MDFIC: variants seen among roughly 807,000 people sequenced by gnomAD.
The protein encoded by MDFIC is MyoD family inhibitor domain containing.
MDFIC carries 17 observed loss-of-function variants against 23.2 expected under a neutral mutation model. The ratio of observed to expected loss-of-function variants is 0.73; its 90% CI spans 0.50 to 1.10. The LOEUF (loss-of-function observed/expected upper bound fraction) is 1.10. Ranked by LOEUF, MDFIC falls within the 50% of genes least tolerant of loss-of-function variation. The pLI, the probability that MDFIC is intolerant of heterozygous loss-of-function variation, is 0.00. For missense variants in MDFIC, 356 were observed against 316.6 expected, an observed-to-expected ratio of 1.12 and a Z score of -0.95; for synonymous variants, 120 against 115.2, an observed-to-expected ratio of 1.04 and a Z score of -0.27.
At chr7:114,923,304 T>C (rs1347089366) in intron 2 of MDFIC, among the ~76,000 whole-genome samples, 177 bp downstream of exon 2, 2 of 152,138 alleles carry the variant, frequency 1.3e-5, no homozygotes, top group East Asian at 1.9e-4. Context: ...TTGCCCTAGA[T>C]CAACAACCGG....
At chr7:114,988,648 T>G (rs1458158575) in intron 4 of MDFIC, among the ~76,000 whole-genome samples, 1 of 152,144 alleles carries the variant, frequency 6.6e-6, no homozygotes, top group East Asian at 1.9e-4. Context: ...ATTTGGAAAT[T>G]GAGTAGAAAT....
chr7:114,951,345 G>GA (rs77532545), intron 3 of MDFIC, among the ~76,000 whole-genome samples: 71 of 148,514 alleles, frequency 4.8e-4, no homozygotes, highest in African/African-American at 6.2e-4. Context: ...GAAATGAATG[G>GA]AAAAAAAAAA....
chr7:114,999,260 G>T (rs1193855986), intron 4 of MDFIC, among the ~76,000 whole-genome samples: 1 of 151,984 alleles, frequency 6.6e-6, no homozygotes, highest in Admixed American at 6.6e-5. Flanking sequence ...TTATATGTTT[G>T]TGAGTTATGG....
intron 3 of MDFIC, among the ~76,000 whole-genome samples, chr7:114,953,573 A>T (rs1585100764): frequency 6.6e-6 from 1 of 152,310 alleles, no homozygotes; most frequent in Middle Eastern, 3.4e-3. Flanking sequence ...GAAATTAGTC[A>T]ATCAGTCATT....
chr7:115,010,453 C>T (rs1361284181), intron 4 of MDFIC, among the ~76,000 whole-genome samples: 1 of 151,846 alleles, frequency 6.6e-6, no homozygotes, highest in South Asian at 2.1e-4. Flanking sequence ...TTTAAGGAAC[C>T]TTTTTTGGCT....
intron 3 of MDFIC, among the ~76,000 whole-genome samples, chr7:114,957,496 G>C (rs1344007509): frequency 6.6e-6 from 1 of 152,072 alleles, no homozygotes. Flanking sequence ...TTACCTAAGA[G>C]TCATATTAAT....
intron 4 of MDFIC, among the ~76,000 whole-genome samples, chr7:115,012,260 A>G (rs541459610): frequency 6.6e-6 from 1 of 152,376 alleles, no homozygotes; most frequent in South Asian, 2.1e-4. Context: ...AAAGTTAGGG[A>G]AAAACATGAA....
intron 3 of MDFIC, among the ~76,000 whole-genome samples, chr7:114,956,901 T>C (rs1030236723): frequency 6.6e-6 from 1 of 152,200 alleles, no homozygotes; most frequent in African/African-American, 2.4e-5. Context: ...CTTACAGTTA[T>C]GACTGATGGC....
intron 3 of MDFIC, among the ~76,000 whole-genome samples, chr7:114,977,247 TC>T (rs1486105475): frequency 6.6e-6 from 1 of 152,154 alleles, no homozygotes; most frequent in Non-Finnish European, 1.5e-5. Flanking sequence ...TTGGGGGGCA[TC>T]AAGGCTTTTA....
At chr7:114,934,086 C>T (rs935836025) in intron 2 of MDFIC, 1 of 152,186 alleles carries the variant, frequency 6.6e-6, no homozygotes, top group Non-Finnish European at 1.5e-5. Flanking sequence ...GAGAGCACAT[C>T]TAACTCCAGA....
At chr7:114,986,744 C>T (rs186415233) in intron 4 of MDFIC, among the ~76,000 whole-genome samples, 2 of 152,364 alleles carry the variant, frequency 1.3e-5, no homozygotes, top group East Asian at 3.9e-4. Context: ...TCATCATCTC[C>T]TGATGCCCCA....
At chr7:114,970,962 C>A (rs776399587) in intron 3 of MDFIC, among the ~76,000 whole-genome samples, 2 of 152,156 alleles carry the variant, frequency 1.3e-5, no homozygotes, top group African/African-American at 2.4e-5. Flanking sequence ...TGTGTCTCTA[C>A]AGAGGAGAGG....
chr7:114,995,732 G>A (rs1041497873), intron 4 of MDFIC, among the ~76,000 whole-genome samples: 13 of 152,196 alleles, frequency 8.5e-5, no homozygotes, highest in East Asian at 1.9e-4. Context: ...GTACTCAGCC[G>A]TGTGAGGTGT....
At position 114,934,319 on chromosome 7, in the gene MDFIC, C is replaced by T. The variant is rs114612934; in HGVS notation, c.95-7956C>T. Among the ~76,000 whole-genome samples, 256 of 152,232 alleles carry T rather than the reference C, an allele frequency of 1.7e-3. 1 individual carries two copies. Among genetic ancestry groups the T allele is most frequent in the African/African-American group, 5.6e-3 (233 of 41,548 alleles). On this transcript the variant is annotated intron_variant, in intron 2 of 4. Transcript: ENST00000393486. The stretch of plus-strand genomic sequence containing the variant: ...GTTCCTCATATCAGATTGCTGTTAT[C>T]CAAGCACTTATTTTCTTAAGTGGAA...
intron 4 of MDFIC, among the ~76,000 whole-genome samples, chr7:114,992,598 T>C (rs2116033401): frequency 6.6e-6 from 1 of 152,354 alleles, no homozygotes; most frequent in South Asian, 2.1e-4. Flanking sequence ...CTGCATCTTT[T>C]GAGATAATCA....
At chr7:114,945,402 C>T (rs1306723544) in intron 3 of MDFIC, among the ~76,000 whole-genome samples, 3 of 152,150 alleles carry the variant, frequency 2.0e-5, no homozygotes, top group Non-Finnish European at 4.4e-5. Flanking sequence ...TAACCCTGAC[C>T]TTAGCGGACT....
chr7:115,014,823 T>C (rs1213670831), intron 4 of MDFIC, among the ~76,000 whole-genome samples: 1 of 152,190 alleles, frequency 6.6e-6, no homozygotes, highest in Non-Finnish European at 1.5e-5. Context: ...ATTAGAACAT[T>C]AGAATCTAAA....
At chr7:114,948,241 T>C (rs1382121769) in intron 3 of MDFIC, among the ~76,000 whole-genome samples, 1 of 152,176 alleles carries the variant, frequency 6.6e-6, no homozygotes, top group African/African-American at 2.4e-5. Flanking sequence ...CCCTTCTTAC[T>C]CCCAGGCTGC....
At position 115,015,983 on chromosome 7, in the gene MDFIC, C is replaced by A. The variant is rs1330250882; in HGVS notation, c.*48C>A. 1 of 1,558,460 alleles carries A rather than the reference C, an allele frequency of 6.4e-7. No homozygotes were observed. Among genetic ancestry groups the A allele is most frequent in the South Asian group, 1.2e-5 (1 of 83,662 alleles). ...AAAACTGGAGAGTGTTTAAAAATTT[C>A]CTTTTGGGGGGAAGAAAAGCACATT... On this transcript the variant is annotated 3_prime_UTR_variant, in exon 5 of 5. Coordinates refer to ENST00000393486, the MANE Select transcript of MDFIC (RefSeq NM_001166345.3).
Sources: gnomAD v4.1 joint callset for allele counts (sites outside exome capture counted in the v4.1 genomes callset) on GRCh38, gnomAD v4.1.1 for gene constraint, MANE v1.5 for transcripts, NCBI Gene and HGNC (gene_info 2026-07-23, HGNC 2026-07-21) for gene names.